LINGO1: variants seen among roughly 807,000 people sequenced by gnomAD.
The protein encoded by LINGO1 is leucine rich repeat and Ig domain containing 1, also known as leucine-rich repeat and immunoglobulin-like domain-containing nogo receptor-interacting protein 1.
A neutral mutation model predicts 37.3 loss-of-function variants in LINGO1; 11 were observed. That is an observed-to-expected ratio of 0.29 (90% CI 0.19 to 0.49). The LOEUF (loss-of-function observed/expected upper bound fraction) is 0.49, where lower values mean the gene tolerates loss of function less well. Among genes scored for constraint, LINGO1 ranks in the 20% least tolerant of loss-of-function variants. The probability of loss-of-function intolerance (pLI) is 0.99; values close to 1 mark genes in which losing one functional copy is unlikely to be tolerated. For missense variants in LINGO1, 585 were observed against 878.2 expected (o/e 0.67, Z 4.22); for synonymous variants, 387 against 403.0 (o/e 0.96, Z 0.48).
intron 3 of LINGO1, among the ~76,000 whole-genome samples, chr15:77,644,635 G>A (rs1398968280): frequency 6.6e-6 from 1 of 152,212 alleles, no homozygotes; most frequent in Non-Finnish European, 1.5e-5. Context: ...AAGCCCAGGG[G>A]CAGGCTGAGC....
chr15:77,622,280 G>T (rs988749937), intron 1 of LINGO1, among the ~76,000 whole-genome samples: 6 of 151,754 alleles, frequency 4.0e-5, no homozygotes, highest in African/African-American at 1.5e-4. Context: ...GAAGAGAGAG[G>T]CAGAGAAAGC....
chr15:77,737,674 A>C (rs547511582), intron 1 of LINGO1, among the ~76,000 whole-genome samples: 1 of 151,668 alleles, frequency 6.6e-6, no homozygotes. Context: ...GCCAAGCCCA[A>C]TAGTCACTCT....
chr15:77,616,061 C>T (rs1224245867), intron 1 of LINGO1, among the ~76,000 whole-genome samples, 161 bp from the exon 2 acceptor site: 1 of 152,138 alleles, frequency 6.6e-6, no homozygotes, highest in Non-Finnish European at 1.5e-5. Flanking sequence ...CCTCTGGCCT[C>T]CTCATGCTGC....
intron 3 of LINGO1, among the ~76,000 whole-genome samples, chr15:77,640,063 C>G (rs139675698): frequency 2.6e-5 from 4 of 152,204 alleles, no homozygotes; most frequent in Admixed American, 6.5e-5. Flanking sequence ...GGGAGATATT[C>G]CTGGGCTTTC....
intron 1 of LINGO1, among the ~76,000 whole-genome samples, chr15:77,786,057 C>T (rs2076767537): frequency 6.6e-6 from 1 of 152,142 alleles, no homozygotes; most frequent in Non-Finnish European, 1.5e-5. Context: ...ATGGGAGAAA[C>T]TGAGACTAGG....
intron 1 of LINGO1, among the ~76,000 whole-genome samples, chr15:77,783,806 G>A (rs780594558): frequency 3.9e-5 from 6 of 152,182 alleles, no homozygotes; most frequent in Non-Finnish European, 8.8e-5. Flanking sequence ...ATCCAGGCTC[G>A]CCTGACTCAG....
Position 77,765,681 on chromosome 15 carries a change from G to C in LINGO1, c.-257+21188C>G, listed in dbSNP as rs576291691. ...GGAAGGCACCCAGCCCACCCAGCCT[G>C]GGTGGAGAGTGGGGACCCATACTGA... On this transcript the variant is annotated intron_variant, in intron 1 of 3. Coordinates refer to the LINGO1 transcript ENST00000561686. 3.3e-5 allele frequency among the ~76,000 whole-genome samples: 5 copies of C among 152,278 alleles called. No individual in the cohort carries two copies. In the East Asian group the frequency reaches 9.7e-4, roughly 29 times the overall value.
chr15:77,770,224 G>A (rs1036843996), intron 1 of LINGO1, among the ~76,000 whole-genome samples: 2 of 152,108 alleles, frequency 1.3e-5, no homozygotes, highest in East Asian at 3.9e-4. Flanking sequence ...CACTGGGTGG[G>A]GCTCTACTGA....
intron 3 of LINGO1, among the ~76,000 whole-genome samples, chr15:77,649,577 G>A (rs1459381523): frequency 1.3e-5 from 2 of 152,176 alleles, no homozygotes; most frequent in Admixed American, 1.3e-4. Flanking sequence ...GAGGAAGGGG[G>A]TTCAGGAAGG....
intron 1 of LINGO1, among the ~76,000 whole-genome samples, chr15:77,798,383 C>T (rs1368487227): frequency 6.6e-6 from 1 of 152,348 alleles, no homozygotes; most frequent in African/African-American, 2.4e-5. Flanking sequence ...CTGAGCCCAG[C>T]TCCACCTGAG....
intron 1 of LINGO1, among the ~76,000 whole-genome samples, chr15:77,767,854 G>A (rs2076544897): frequency 6.6e-6 from 1 of 152,322 alleles, no homozygotes; most frequent in African/African-American, 2.4e-5. Flanking sequence ...ATGTGGGTGA[G>A]TGGGGTGGAA....
intron 2 of LINGO1, among the ~76,000 whole-genome samples, chr15:77,721,972 T>C (rs2076054938): frequency 1.3e-5 from 2 of 151,864 alleles, no homozygotes. Context: ...ATCCACTTGC[T>C]CATCAAGTAC....
chr15:77,724,930 G>C (rs4886901), intron 2 of LINGO1, among the ~76,000 whole-genome samples: 5 of 152,084 alleles, frequency 3.3e-5, no homozygotes, highest in Admixed American at 6.5e-5. Flanking sequence ...CCCAGACGGT[G>C]TGTGGACCCG....
intron 2 of LINGO1, among the ~76,000 whole-genome samples, chr15:77,723,053 C>A (rs1305066459): frequency 1.3e-5 from 2 of 152,188 alleles, no homozygotes; most frequent in Non-Finnish European, 2.9e-5. Flanking sequence ...CTGTGTGACC[C>A]AGGGCCCATC....
chr15:77,727,221 GTGTA>G (rs2076111062), intron 2 of LINGO1, among the ~76,000 whole-genome samples: 1 of 152,372 alleles, frequency 6.6e-6, no homozygotes, highest in Non-Finnish European at 1.5e-5. Flanking sequence ...TTTTGGGTGT[GTGTA>G]TGTGTGTGCA....
intron 1 of LINGO1, among the ~76,000 whole-genome samples, chr15:77,768,617 G>C (rs2076553617): frequency 6.6e-6 from 1 of 152,106 alleles, no homozygotes; most frequent in Non-Finnish European, 1.5e-5. Context: ...CCTGGACTTG[G>C]AGGAGGGAGG....
At chr15:77,697,217 G>A (rs928959356), upstream of LINGO1, among the ~76,000 whole-genome samples, 3 of 152,216 alleles carry the variant, frequency 2.0e-5, no homozygotes, top group Non-Finnish European at 4.4e-5. Flanking sequence ...TCAGGCGGGG[G>A]CAGAACTGAC....
chr15:77,685,606 C>T (rs140730201), intron 2 of LINGO1, among the ~76,000 whole-genome samples: 4 of 151,564 alleles, frequency 2.6e-5, no homozygotes, highest in African/African-American at 7.3e-5. Context: ...ACCTGTAATC[C>T]CAACAGTTTG....
At chr15:77,630,370 G>A (rs1277898874) in intron 1 of LINGO1, among the ~76,000 whole-genome samples, 3 of 152,290 alleles carry the variant, frequency 2.0e-5, no homozygotes, top group East Asian at 3.9e-4. Flanking sequence ...AGCCCTCACC[G>A]GCACCAGGGA....
Sources: gnomAD v4.1 joint callset for allele counts (sites outside exome capture counted in the v4.1 genomes callset) on GRCh38, gnomAD v4.1.1 for gene constraint, MANE v1.5 for transcripts, NCBI Gene and HGNC (gene_info 2026-07-23, HGNC 2026-07-21) for gene names.